The following STAM variants were observed in gnomAD, a reference collection of about 807,000 sequenced individuals.
STAM encodes signal transducing adapter molecule 1.
Under a neutral mutation model 63.4 loss-of-function variants are expected in STAM, and 16 were observed. The observed-to-expected ratio is 0.25, with a 90% CI of 0.17 to 0.38. STAM has a LOEUF of 0.38. STAM is among the 10% of genes least tolerant of loss of function. The probability of loss-of-function intolerance (pLI) is 1.00; values close to 1 mark genes in which losing one functional copy is unlikely to be tolerated. For missense variants in STAM, 636 were observed against 657.1 expected (o/e 0.97, Z 0.35); for synonymous variants, 238 against 223.9 (o/e 1.06, Z -0.56).
At chr10:17,673,173 C>T (rs1161009372) in intron 2 of STAM, 3 of 302,914 alleles carry the variant, frequency 9.9e-6, no homozygotes, top group African/African-American at 6.8e-5. Flanking sequence ...TTTATTGCCA[C>T]CCGTCTCTTC....
chr10:17,683,130 A>G (rs1564550325), intron 2 of STAM, among the ~76,000 whole-genome samples: 1 of 152,238 alleles, frequency 6.6e-6, no homozygotes, highest in Middle Eastern at 3.4e-3. Flanking sequence ...TCTTTTGTGT[A>G]TCAATCAAAT....
At chr10:17,691,061 C>T (rs572360888) in intron 5 of STAM, among the ~76,000 whole-genome samples, 2 of 152,264 alleles carry the variant, frequency 1.3e-5, no homozygotes, top group East Asian at 3.9e-4. Context: ...TTTATGTAAA[C>T]CGTAAAACTT....
chr10:17,667,469 C>CA (rs781968895), intron 2 of STAM, among the ~76,000 whole-genome samples: 1 of 152,176 alleles, frequency 6.6e-6, no homozygotes, highest in Non-Finnish European at 1.5e-5. Context: ...ATGTTTCACT[C>CA]AGTTTCGTAA....
At chr10:17,695,001 G>A in intron 6 of STAM, 48 bp from the exon 7 acceptor site, 2 of 1,566,846 alleles carry the variant, frequency 1.3e-6, no homozygotes, top group South Asian at 1.2e-5. Flanking sequence ...TCTTCAGACT[G>A]TTGGATATAA....
intron 1 of STAM, among the ~76,000 whole-genome samples, chr10:17,654,465 G>A (rs1296097837): frequency 2.0e-5 from 3 of 151,998 alleles, no homozygotes; most frequent in South Asian, 2.1e-4. Flanking sequence ...CTCGTGATCC[G>A]CCCACCTCGG....
At position 17,684,936 on chromosome 10, in the gene STAM, C is replaced by T; in HGVS notation, c.297+9C>T. ...GCAACGTATTAAATAAGGTAAGGAG[C>T]ATTATTTCCAGAAATTAATTAAGGC... is the stretch of plus-strand genomic sequence containing the variant. On this transcript the variant is annotated intron_variant, in intron 4 of 13. Coordinates refer to ENST00000377524, the MANE Select transcript of STAM (RefSeq NM_003473.4). The T allele has an allele frequency of 6.3e-7, 1 of 1,594,436 alleles. No individual in the cohort carries two copies. The highest frequency in any genetic ancestry group is 8.6e-7 in the Non-Finnish European group (1 of 1,165,876).
intron 2 of STAM, among the ~76,000 whole-genome samples, chr10:17,674,564 C>A (rs1470463819): frequency 6.6e-6 from 1 of 152,074 alleles, no homozygotes; most frequent in East Asian, 1.9e-4. Context: ...GTGGTGGGTT[C>A]CCAGAGGGAG....
chr10:17,685,373 T>TA (rs1220341064), intron 4 of STAM, among the ~76,000 whole-genome samples: 139 of 152,296 alleles, frequency 9.1e-4, no homozygotes, highest in African/African-American at 3.3e-3. Flanking sequence ...CTGCTATTCT[T>TA]ACTGGCTGAA....
At chr10:17,675,625 T>C (rs1834819891) in intron 2 of STAM, among the ~76,000 whole-genome samples, 1 of 152,226 alleles carries the variant, frequency 6.6e-6, no homozygotes, top group African/African-American at 2.4e-5. Context: ...AGGGATTCAC[T>C]TAAGTTTTAG....
intron 13 of STAM, among the ~76,000 whole-genome samples, chr10:17,710,476 AT>A (rs1836507719): frequency 1.3e-5 from 2 of 152,136 alleles, no homozygotes; most frequent in South Asian, 4.1e-4. Context: ...TTTGAAGAAC[AT>A]TTTCTTGAAA....
intron 1 of STAM, among the ~76,000 whole-genome samples, chr10:17,649,103 G>A (rs1485479225): frequency 6.6e-6 from 1 of 152,142 alleles, no homozygotes; most frequent in Admixed American, 6.5e-5. Flanking sequence ...ATAATCTTCT[G>A]TAAAAAATAT....
At chr10:17,646,501 C>T (rs1230503531) in intron 1 of STAM, among the ~76,000 whole-genome samples, 1 of 152,164 alleles carries the variant, frequency 6.6e-6, no homozygotes, top group African/African-American at 2.4e-5. Flanking sequence ...GTTTTATACT[C>T]CTTAATGAGA....
At chr10:17,676,160 G>A (rs1554824631) in intron 2 of STAM, among the ~76,000 whole-genome samples, 2 of 152,192 alleles carry the variant, frequency 1.3e-5, no homozygotes, top group East Asian at 3.9e-4. Flanking sequence ...TTGGATATTT[G>A]TGTGTGAAGA....
At chr10:17,660,317 T>C in intron 1 of STAM, 147 bp from the exon 2 acceptor site, 1 of 499,054 alleles carries the variant, frequency 2.0e-6, no homozygotes, top group South Asian at 4.0e-5. Context: ...CTTTTCAAGA[T>C]GGCCATGAAA....
At chr10:17,694,543 C>G (rs782064013) in intron 6 of STAM, among the ~76,000 whole-genome samples, 2 of 152,002 alleles carry the variant, frequency 1.3e-5, no homozygotes, top group Admixed American at 1.3e-4. Context: ...GATAGAGACA[C>G]GTTTGAGATC....
At chr10:17,682,735 T>G (rs563157798) in intron 2 of STAM, among the ~76,000 whole-genome samples, 1 of 152,148 alleles carries the variant, frequency 6.6e-6, no homozygotes, top group Non-Finnish European at 1.5e-5. Context: ...GGTGGGTGGA[T>G]TGTTGTGTAA....
At chr10:17,669,354 GTT>G (rs1221257779) in intron 2 of STAM, among the ~76,000 whole-genome samples, 2 of 135,284 alleles carry the variant, frequency 1.5e-5, no homozygotes, top group Non-Finnish European at 3.2e-5. Flanking sequence ...TGGTCTTGAG[GTT>G]TTTTTTTTTT....
At chr10:17,706,067 AAAATAAAT>A (rs776003458) in intron 12 of STAM, among the ~76,000 whole-genome samples, 9 of 152,074 alleles carry the variant, frequency 5.9e-5, no homozygotes, top group Non-Finnish European at 1.3e-4. Flanking sequence ...CCCTGTCTCT[AAAATAAAT>A]AAATAAATAA....
rs12221 is a variant in STAM, at chr10:17,714,597, T to C, written c.1440T>C (p.Tyr480=). The change falls in exon 14 of 14, where the codon TAT becomes TAC. Residue 480 remains tyrosine (Y), a synonymous_variant. Coordinates refer to ENST00000377524, the MANE Select transcript of STAM (RefSeq NM_003473.4). ...CATATCCCAGCCAGGCGCCAGTATA[T>C]AGTCCTCCTCCTGCCGCTACTGCTG... ...GNTYPSQAPV[Y]SPPPAATAAA... is the part of the protein sequence containing the mutation. 0.21 allele frequency: 336,387 copies of C among 1,613,996 alleles called. 36,514 individuals are homozygous for C. The highest frequency in any genetic ancestry group is 0.25 in the Middle Eastern group (1,509 of 6,062).
Sources: gnomAD v4.1 joint callset for allele counts (sites outside exome capture counted in the v4.1 genomes callset) on GRCh38, gnomAD v4.1.1 for gene constraint, MANE v1.5 for transcripts, NCBI Gene and HGNC (gene_info 2026-07-23, HGNC 2026-07-21) for gene names.